The following USP30 variants were observed in gnomAD, a reference collection of about 807,000 sequenced individuals.
USP30 encodes the protein ubiquitin specific peptidase 30, also known as ubiquitin carboxyl-terminal hydrolase 30.
Under a neutral mutation model 68.2 loss-of-function variants are expected in USP30, and 41 were observed. That is an observed-to-expected ratio of 0.60 (90% CI 0.47 to 0.78). The LOEUF is 0.78. USP30 is among the 30% of genes least tolerant of loss of function. The pLI, the probability that USP30 is intolerant of heterozygous loss-of-function variation, is 0.00. For synonymous variants in USP30, 229 were observed against 253.7 expected (o/e 0.90, Z 0.93); for missense variants, 522 against 649.4 (o/e 0.80, Z 2.13).
chr12:109,084,946 C>A lies in USP30; in HGVS notation c.1169-7C>A. ...TTTTCATTGACTCGGGCCTTTTTCTCTTGCAGTTCTGAATCAGCCAGGGGC... is the reference window on the plus strand; with the variant it reads ...TTTTCATTGACTCGGGCCTTTTTCTATTGCAGTTCTGAATCAGCCAGGGGC... On this transcript the variant is annotated splice_region_variant and splice_polypyrimidine_tract_variant and intron_variant, in intron 11 of 12. Coordinates refer to ENST00000257548, the MANE Select transcript of USP30 (RefSeq NM_032663.5). 1.3e-6 allele frequency: 2 copies of A among 1,571,492 alleles called. No homozygotes were observed. The highest frequency in any genetic ancestry group is 1.9e-5 in the Admixed American group (1 of 53,530).
intron 3 of USP30, among the ~76,000 whole-genome samples, chr12:109,037,296 A>G (rs1273695285): frequency 6.6e-6 from 1 of 152,172 alleles, no homozygotes; most frequent in Non-Finnish European, 1.5e-5. Context: ...CTTTATTAAT[A>G]TTCTCCATTT....
intron 2 of USP30, among the ~76,000 whole-genome samples, chr12:109,026,490 G>T (rs1000535258): frequency 1.3e-5 from 2 of 151,060 alleles, no homozygotes; most frequent in African/African-American, 2.4e-5. Flanking sequence ...TTGAGACAGG[G>T]TCTCTGTCAC....
chr12:109,034,279 C>T (rs1304845352), intron 3 of USP30, among the ~76,000 whole-genome samples: 1 of 152,134 alleles, frequency 6.6e-6, no homozygotes, highest in Admixed American at 6.5e-5. Flanking sequence ...TAAAATTTCC[C>T]AAATTCCTGT....
upstream of USP30, among the ~76,000 whole-genome samples, chr12:109,051,665 G>A (rs1352905854): frequency 6.6e-6 from 1 of 150,706 alleles, no homozygotes; most frequent in Non-Finnish European, 1.5e-5. Flanking sequence ...CACCACCACG[G>A]TTCAAGCAAT....
At chr12:109,051,664 G>A (rs564540807), upstream of USP30, among the ~76,000 whole-genome samples, 37 of 149,182 alleles carry the variant, frequency 2.5e-4, no homozygotes, top group Admixed American at 2.0e-3. Context: ...CCACCACCAC[G>A]GTTCAAGCAA....
intron 4 of USP30, among the ~76,000 whole-genome samples, chr12:109,068,255 G>T (rs182449945): frequency 4.3e-4 from 65 of 152,258 alleles, no homozygotes; most frequent in Admixed American, 9.2e-4. Flanking sequence ...TGACATACAG[G>T]TGCATCCTCC....
chr12:109,026,309 C>G (rs1191782714), intron 2 of USP30, among the ~76,000 whole-genome samples: 2 of 152,024 alleles, frequency 1.3e-5, no homozygotes, highest in Non-Finnish European at 2.9e-5. Context: ...CTCCTGGGCT[C>G]AAGTGATCCA....
At chr12:109,069,240 T>C (rs2041353657) in intron 4 of USP30, among the ~76,000 whole-genome samples, 1 of 152,146 alleles carries the variant, frequency 6.6e-6, no homozygotes, top group Non-Finnish European at 1.5e-5. Context: ...TGACCCACGG[T>C]TTAGGTTATA....
At chr12:109,035,763 A>G (rs1433191423) in intron 3 of USP30, among the ~76,000 whole-genome samples, 1 of 152,196 alleles carries the variant, frequency 6.6e-6, no homozygotes, top group African/African-American at 2.4e-5. Flanking sequence ...TTAAGCTGTT[A>G]TTGTTAAGAT....
intron 1 of USP30, among the ~76,000 whole-genome samples, chr12:109,055,401 T>TATATACATATATATATATATATACA (rs61062424): frequency 1.3e-4 from 4 of 29,638 alleles, no homozygotes; most frequent in South Asian, 1.4e-3. Flanking sequence ...TATATATATA[T>TATATACATATATATATATATATACA]TTTTTTTTTT....
chr12:109,045,677 A>C (rs2040597879), intron 3 of USP30, among the ~76,000 whole-genome samples: 2 of 152,294 alleles, frequency 1.3e-5, no homozygotes, highest in African/African-American at 4.8e-5. Flanking sequence ...GAAACAGGGC[A>C]GTGCATGTAG....
rs147256943 is a variant in USP30, at chr12:109,071,570, G to T, written c.481-42G>T. Reference sequence around the variant, plus strand: ...GGTGGGTAGTTCTGATCTTGCTCTTGCCTCTTCCAACCTCTCTAAAGAATG... The same window carrying T: ...GGTGGGTAGTTCTGATCTTGCTCTTTCCTCTTCCAACCTCTCTAAAGAATG... On this transcript the variant is annotated intron_variant, in intron 4 of 12. Transcript: ENST00000257548. 1.9e-4 allele frequency: 305 copies of T among 1,571,452 alleles called. 1 individual carries two copies. In the East Asian group the frequency reaches 6.4e-3, roughly 33 times the overall value.
rs34221615 is a variant in USP30, at chr12:109,075,841, C to CTT, written c.720+2325_720+2326dup. Among the ~76,000 whole-genome samples, 1,101 of 119,666 alleles carry CTT rather than the reference C, an allele frequency of 9.2e-3. 15 individuals are homozygous for CTT. Among genetic ancestry groups the CTT allele is most frequent in the African/African-American group, 0.031 (1,026 of 32,842 alleles). 78.5% of individuals were successfully genotyped at this position (119,666 alleles called of 152,430 possible). ...CCATTTTTTAATCATGTTACTTTTT[C>CTT]TTTTTTTTTTTTTTTTTGCTGTTGG... On this transcript the variant is annotated intron_variant, in intron 7 of 12. Transcript: ENST00000257548.
At chr12:109,037,956 C>T (rs74891503) in intron 3 of USP30, among the ~76,000 whole-genome samples, 166 of 152,240 alleles carry the variant, frequency 1.1e-3, no homozygotes, top group African/African-American at 3.8e-3. Context: ...CTCAGAATTA[C>T]ATCTGAATTT....
At position 109,082,827 on chromosome 12, in the gene USP30, T is replaced by C; in HGVS notation, c.949-16T>C. 1 of 1,611,662 alleles carries C rather than the reference T, an allele frequency of 6.2e-7. No homozygotes were observed. Among genetic ancestry groups the C allele is most frequent in the Non-Finnish European group, 8.5e-7 (1 of 1,178,206 alleles). ...CTGAAACAACTCGGTTCTCCCGATT[T>C]CTCTTCCACCCGCAGCTCCCTCAGT... On this transcript the variant is annotated splice_polypyrimidine_tract_variant and intron_variant, in intron 10 of 12. Transcript: ENST00000257548.
chr12:109,074,796 C>G (rs2041545966), intron 7 of USP30, among the ~76,000 whole-genome samples: 1 of 152,216 alleles, frequency 6.6e-6, no homozygotes, highest in South Asian at 2.1e-4. Flanking sequence ...GTATTATTAA[C>G]TGTAGTCACC....
chr12:109,066,717 C>T (rs937539070), intron 3 of USP30, among the ~76,000 whole-genome samples: 1 of 151,970 alleles, frequency 6.6e-6, no homozygotes, highest in African/African-American at 2.4e-5. Flanking sequence ...CTCAAAAGAC[C>T]CTTTAGGCTG....
intron 3 of USP30, among the ~76,000 whole-genome samples, chr12:109,034,551 AC>A (rs966395256): frequency 4.2e-4 from 64 of 151,990 alleles, no homozygotes; most frequent in Admixed American, 1.4e-3. Flanking sequence ...ACATAGTGAG[AC>A]CCCCATCTCT....
chr12:109,055,401 T>TATATATATATATATATA (rs61062424), intron 1 of USP30, among the ~76,000 whole-genome samples: 5 of 29,632 alleles, frequency 1.7e-4, no homozygotes, highest in African/African-American at 6.1e-4. Flanking sequence ...TATATATATA[T>TATATATATATATATATA]TTTTTTTTTT....
Sources: gnomAD v4.1 joint callset for allele counts (sites outside exome capture counted in the v4.1 genomes callset) on GRCh38, gnomAD v4.1.1 for gene constraint, MANE v1.5 for transcripts, NCBI Gene and HGNC (gene_info 2026-07-23, HGNC 2026-07-21) for gene names.